QSOX2: variants seen among roughly 807,000 people sequenced by gnomAD.
The protein encoded by QSOX2 is sulfhydryl oxidase 2.
Under a neutral mutation model 61.7 loss-of-function variants are expected in QSOX2, and 46 were observed. The observed-to-expected ratio is 0.75, with a 90% CI of 0.59 to 0.95. The LOEUF is 0.95. Among genes scored for constraint, QSOX2 ranks in the 40% least tolerant of loss-of-function variants. QSOX2 has a pLI of 0.00. For synonymous variants in QSOX2, 383 were observed against 388.4 expected, an observed-to-expected ratio of 0.99 and a Z score of 0.16; for missense variants, 879 against 918.9, an observed-to-expected ratio of 0.96 and a Z score of 0.56.
intron 1 of QSOX2, among the ~76,000 whole-genome samples, chr9:136,238,161 AG>A (rs1318587592): frequency 6.6e-6 from 1 of 152,252 alleles, no homozygotes; most frequent in Non-Finnish European, 1.5e-5. Flanking sequence ...TGATGCTGAG[AG>A]GACACAAGAC....
intron 9 of QSOX2, 86 bp from the exon 10 acceptor site, chr9:136,215,390 G>C (rs1008434360): frequency 9.3e-5 from 103 of 1,110,942 alleles, no homozygotes; most frequent in African/African-American, 1.1e-4. Flanking sequence ...TTCTTGACTG[G>C]GGGGGGTGGA....
chr9:136,214,804 T>G (rs903028857), intron 10 of QSOX2, among the ~76,000 whole-genome samples: 3 of 152,230 alleles, frequency 2.0e-5, no homozygotes, highest in African/African-American at 7.2e-5. Flanking sequence ...CAGCTGATAA[T>G]GAGAACACCT....
At chr9:136,242,471 G>A (rs778629021) in intron 1 of QSOX2, among the ~76,000 whole-genome samples, 3 of 152,386 alleles carry the variant, frequency 2.0e-5, no homozygotes, top group Admixed American at 1.3e-4. Flanking sequence ...TGCCCCCAGG[G>A]GATCAGCAGG....
At chr9:136,224,239 A>G in intron 3 of QSOX2, 127 bp from the exon 4 acceptor site, 1 of 686,626 alleles carries the variant, frequency 1.5e-6, no homozygotes, top group Non-Finnish European at 2.5e-6. Flanking sequence ...TGGCAGCAAC[A>G]TGTGCAATCC....
Position 136,221,991 on chromosome 9 carries a change from A to G in QSOX2, c.676-50T>C, listed in dbSNP as rs2131056984. On this transcript the variant is annotated intron_variant, in intron 5 of 11. Transcript: ENST00000358701. This position sits in a 1 kb window ranked among gnomAD's most constrained non-coding sequence, Gnocchi z 4.5. ...CTTCCACAGGGGCTGGCAGTTTCTC[A>G]GAAAACACGACGTGCAGACACATGG... The G allele has an allele frequency of 6.7e-7, 1 of 1,501,368 alleles. No homozygotes were observed. The highest frequency in any genetic ancestry group is 1.4e-5 in the African/African-American group (1 of 70,990). The allele number at this position is 1,501,368 out of a possible 1,614,324, so 93.0% of individuals were successfully genotyped here. A position where few individuals can be genotyped will look rare whatever the true frequency, so the allele number is the denominator to read the frequency against.
chr9:136,241,004 G>T (rs1053871481), intron 1 of QSOX2, among the ~76,000 whole-genome samples: 2 of 152,088 alleles, frequency 1.3e-5, no homozygotes, highest in Non-Finnish European at 2.9e-5. Flanking sequence ...CTCCCTGGAC[G>T]TGGCTGTAAG....
intron 1 of QSOX2, among the ~76,000 whole-genome samples, chr9:136,237,795 C>T (rs80119032): frequency 0.028 from 4,302 of 152,372 alleles, 92 homozygotes; most frequent in Non-Finnish European, 0.045. Flanking sequence ...CCGTCCTGTG[C>T]CAGTGTCCAA....
intron 1 of QSOX2, among the ~76,000 whole-genome samples, chr9:136,231,308 A>G (rs1830327810): frequency 6.6e-6 from 1 of 152,198 alleles, no homozygotes; most frequent in Admixed American, 6.5e-5. Context: ...TGGCGAATGA[A>G]GACTCCCCGT....
chr9:136,219,407 T>A (rs1831955131), intron 6 of QSOX2, among the ~76,000 whole-genome samples: 1 of 152,236 alleles, frequency 6.6e-6, no homozygotes, highest in African/African-American at 2.4e-5. Context: ...ATAAGTACTA[T>A]GACTCATTTA....
intron 11 of QSOX2, among the ~76,000 whole-genome samples, 179 bp downstream of exon 11, chr9:136,211,085 G>C (rs1045528171): frequency 6.6e-6 from 1 of 152,248 alleles, no homozygotes; most frequent in Admixed American, 6.5e-5. Flanking sequence ...AGCAGCCTGG[G>C]AAAGGCTGCA....
chr9:136,242,349 G>A (rs754562767), intron 1 of QSOX2, among the ~76,000 whole-genome samples: 7 of 152,258 alleles, frequency 4.6e-5, no homozygotes, highest in Non-Finnish European at 1.0e-4. Flanking sequence ...ATCCTCTCCA[G>A]CAGCCACAGG....
chr9:136,245,478 C>T lies in QSOX2; in HGVS notation c.326G>A (p.Arg109Gln), dbSNP rs782614999. ...PTWRALAGDV[R>Q]DWASAIRVAA... ...CCCCGCGCGGGGGCGCGCCTCACCT[C>T]GCACATCCCCAGCCAGGGCCCGCCA... Residue 109 changes from arginine (R) to glutamine (Q), a missense_variant and splice_region_variant, in exon 1 of 12, where the codon CGA becomes CAA. Arg to Gln is a conservative substitution (Grantham distance 43). Coordinates refer to ENST00000358701, the MANE Select transcript of QSOX2 (RefSeq NM_181701.4). 5 of 1,589,762 alleles carry T rather than the reference C, an allele frequency of 3.1e-6. No individual in the cohort carries two copies. The highest frequency in any genetic ancestry group is 3.4e-6 in the Non-Finnish European group (4 of 1,175,770).
intron 11 of QSOX2, chr9:136,210,818 G>A: frequency 1.0e-6 from 1 of 984,768 alleles, no homozygotes; most frequent in Non-Finnish European, 1.2e-6. Flanking sequence ...GAAAATACAT[G>A]TGCCCTATTT....
At chr9:136,215,583 G>A (rs1430599379) in intron 9 of QSOX2, among the ~76,000 whole-genome samples, 1 of 152,168 alleles carries the variant, frequency 6.6e-6, no homozygotes, top group Non-Finnish European at 1.5e-5. Flanking sequence ...GTAATATTAA[G>A]CATAAAATGT....
chr9:136,207,244 A>AT lies in QSOX2; in HGVS notation c.*1483dup, dbSNP rs2131044716. On this transcript the variant is annotated 3_prime_UTR_variant, in exon 12 of 12. Transcript: ENST00000358701. ...CTCAAGCGACAACAATCACATCAAT[A>AT]TTACATGGTCTTATGAATACATCCA... The AT allele has an allele frequency of 6.6e-6, 1 of 152,420 alleles. No homozygotes were observed. The highest frequency in any genetic ancestry group is 1.9e-4 in the East Asian group (1 of 5,316). 9.4% of individuals were successfully genotyped at this position (152,420 alleles called of 1,614,324 possible).
At chr9:136,210,678 G>A in intron 11 of QSOX2, 1 of 985,360 alleles carries the variant, frequency 1.0e-6, no homozygotes. Context: ...TAACACAGTG[G>A]ATTAAATAAA....
intron 1 of QSOX2, among the ~76,000 whole-genome samples, chr9:136,230,498 C>T (rs1483289792): frequency 1.3e-5 from 2 of 152,166 alleles, no homozygotes; most frequent in Non-Finnish European, 2.9e-5. Context: ...GTGCCCCACT[C>T]CCAACAAGCT....
At chr9:136,245,376 G>T in intron 1 of QSOX2, 100 bp downstream of exon 1, 2 of 988,924 alleles carry the variant, frequency 2.0e-6, no homozygotes, top group Non-Finnish European at 2.9e-6. Context: ...AGAAATACGG[G>T]GGAGGGGCCC....
chr9:136,212,117 G>A (rs930889886), intron 10 of QSOX2, among the ~76,000 whole-genome samples: 2 of 152,206 alleles, frequency 1.3e-5, no homozygotes, highest in East Asian at 1.9e-4. Context: ...AGGCCGGGGC[G>A]CTTCCGCAGA....
Sources: allele counts gnomAD v4.1 joint callset (sites outside exome capture counted in the v4.1 genomes callset), GRCh38; gene constraint gnomAD v4.1.1; non-coding constraint Gnocchi (gnomAD v3.1); transcripts MANE v1.5; gene names NCBI Gene and HGNC (gene_info 2026-07-23, HGNC 2026-07-21).